Variants in RABGAP1L observed in about 807,000 individuals in gnomAD.
RABGAP1L encodes the protein rab GTPase-activating protein 1-like.
In RABGAP1L, 63 loss-of-function variants were observed where a neutral mutation model predicts 137.7. That is an observed-to-expected ratio of 0.46 (90% CI 0.37 to 0.56). The LOEUF (loss-of-function observed/expected upper bound fraction) is 0.56. RABGAP1L is among the 20% of genes least tolerant of loss of function. The pLI, the probability that RABGAP1L is intolerant of heterozygous loss-of-function variation, is 0.00. For missense variants in RABGAP1L, 1,095 were observed against 1,244.0 expected, an observed-to-expected ratio of 0.88 and a Z score of 1.80; for synonymous variants, 431 against 433.7, an observed-to-expected ratio of 0.99 and a Z score of 0.08.
chr1:174,871,494 A>C (rs1652187123), intron 19 of RABGAP1L, among the ~76,000 whole-genome samples: 1 of 152,192 alleles, frequency 6.6e-6, no homozygotes, highest in Non-Finnish European at 1.5e-5. Context: ...GTCAAGTTTT[A>C]ACTGCAGGTT....
At chr1:174,208,322 T>A (rs1163522575) in intron 1 of RABGAP1L, among the ~76,000 whole-genome samples, 1 of 152,126 alleles carries the variant, frequency 6.6e-6, no homozygotes, top group Non-Finnish European at 1.5e-5. Context: ...ATGTAATCTG[T>A]AAATAAAGAC....
chr1:174,428,464 C>A (rs1303361441), intron 13 of RABGAP1L, among the ~76,000 whole-genome samples: 2 of 152,174 alleles, frequency 1.3e-5, no homozygotes, highest in East Asian at 3.8e-4. Context: ...CCCTTTATCT[C>A]TTCATAATGA....
At chr1:174,767,619 G>A (rs1403478076) in intron 18 of RABGAP1L, among the ~76,000 whole-genome samples, 1 of 151,716 alleles carries the variant, frequency 6.6e-6, no homozygotes, top group Non-Finnish European at 1.5e-5. Flanking sequence ...CGCCTCCCAG[G>A]TTAAATAGAA....
chr1:174,779,603 A>T (rs1381140963), intron 18 of RABGAP1L, among the ~76,000 whole-genome samples: 1 of 152,148 alleles, frequency 6.6e-6, no homozygotes, highest in Non-Finnish European at 1.5e-5. Flanking sequence ...CACCCCATCT[A>T]AAACAAGGTT....
intron 13 of RABGAP1L, among the ~76,000 whole-genome samples, chr1:174,635,930 A>C (rs1673983714): frequency 6.6e-6 from 1 of 152,176 alleles, no homozygotes; most frequent in South Asian, 2.1e-4. Flanking sequence ...AACATATATT[A>C]AACTTTTTTT....
At chr1:174,227,733 T>C (rs1670302400) in intron 3 of RABGAP1L, among the ~76,000 whole-genome samples, 1 of 152,180 alleles carries the variant, frequency 6.6e-6, no homozygotes, top group Non-Finnish European at 1.5e-5. Context: ...ATTTACATTC[T>C]AATAATGTCA....
At chr1:174,905,151 A>G (rs1202484807) in intron 19 of RABGAP1L, among the ~76,000 whole-genome samples, 1 of 152,218 alleles carries the variant, frequency 6.6e-6, no homozygotes, top group Non-Finnish European at 1.5e-5. Context: ...ACTATATCTA[A>G]TAAAAAACAA....
chr1:174,613,743 G>A (rs1671501903), intron 13 of RABGAP1L, among the ~76,000 whole-genome samples: 1 of 152,184 alleles, frequency 6.6e-6, no homozygotes, highest in Non-Finnish European at 1.5e-5. Context: ...GGGTGCTCCT[G>A]TATTGGGTGC....
At chr1:174,600,970 A>T (rs1402030659) in intron 13 of RABGAP1L, among the ~76,000 whole-genome samples, 1 of 152,214 alleles carries the variant, frequency 6.6e-6, no homozygotes, top group Non-Finnish European at 1.5e-5. Flanking sequence ...ACCCTGAAGC[A>T]AACTTTTGTC....
Position 174,378,475 on chromosome 1 carries a change from A to G in RABGAP1L, c.1559+7403A>G, listed in dbSNP as rs1451437113. On this transcript the variant is annotated intron_variant, in intron 12 of 25. Coordinates refer to ENST00000681986, the MANE Select transcript of RABGAP1L (RefSeq NM_001366446.1). The stretch of plus-strand genomic sequence containing the variant: ...GTTTCCTGACTTTTTAATGATTGCC[A>G]TTCTGACTGGTGTGAGATGGTATCT... Among the ~76,000 whole-genome samples, 293 of 151,646 alleles carry G rather than the reference A, an allele frequency of 1.9e-3. 1 individual carries two copies. Among genetic ancestry groups the G allele is most frequent in the African/African-American group, 6.7e-3 (277 of 41,360 alleles).
chr1:174,686,194 C>T (rs1196673892), intron 15 of RABGAP1L, among the ~76,000 whole-genome samples: 7 of 152,142 alleles, frequency 4.6e-5, no homozygotes, highest in Non-Finnish European at 1.5e-5. Flanking sequence ...GTTTAGCATT[C>T]TGGAAGTGAA....
At chr1:174,361,394 T>C (rs1272087722) in intron 11 of RABGAP1L, among the ~76,000 whole-genome samples, 1 of 152,156 alleles carries the variant, frequency 6.6e-6, no homozygotes, top group Middle Eastern at 3.2e-3. Flanking sequence ...TTAAATGATA[T>C]TGATTCTTCC....
intron 19 of RABGAP1L, among the ~76,000 whole-genome samples, chr1:174,889,058 C>T (rs1655658278): frequency 6.6e-6 from 1 of 151,820 alleles, no homozygotes; most frequent in Non-Finnish European, 1.5e-5. Flanking sequence ...TAGAGTCTAG[C>T]TGAGTACTTA....
At chr1:174,920,273 C>T (rs539824240) in intron 19 of RABGAP1L, among the ~76,000 whole-genome samples, 4 of 152,306 alleles carry the variant, frequency 2.6e-5, no homozygotes, top group East Asian at 1.9e-4. Context: ...GCCTCACAAT[C>T]GTGGCAGAAG....
intron 7 of RABGAP1L, among the ~76,000 whole-genome samples, chr1:174,256,503 C>A (rs1673134930): frequency 6.6e-6 from 1 of 152,198 alleles, no homozygotes; most frequent in African/African-American, 2.4e-5. Flanking sequence ...TGAAAATATG[C>A]TGGGCGCGGT....
intron 1 of RABGAP1L, among the ~76,000 whole-genome samples, chr1:174,180,757 G>T (rs1422085787): frequency 6.6e-6 from 1 of 152,134 alleles, no homozygotes; most frequent in African/African-American, 2.4e-5. Flanking sequence ...ATGAGCCACC[G>T]CATCTGGCCA....
rs145337069 is a variant in RABGAP1L at position 174,686,611 on chromosome 1, G to A, written c.1899+3015G>A. On this transcript the variant is annotated intron_variant, in intron 15 of 25. Transcript: ENST00000681986. Reference sequence around the variant, plus strand: ...ACTTGGATGAGAAGCTGAAGTTCAAGACATGGGTGGTGAAGCTTTGGTTTG... The same window carrying A: ...ACTTGGATGAGAAGCTGAAGTTCAAAACATGGGTGGTGAAGCTTTGGTTTG... Among the ~76,000 whole-genome samples the A allele has an allele frequency of 1.5e-4, 22 of 147,398 alleles. No individual in the cohort carries two copies. In the East Asian group the frequency reaches 4.6e-3, roughly 31 times the overall value.
intron 12 of RABGAP1L, among the ~76,000 whole-genome samples, chr1:174,391,775 C>T (rs1687226343): frequency 6.6e-6 from 1 of 152,090 alleles, no homozygotes. Flanking sequence ...CTTTGGATTT[C>T]CCTTACATGA....
chr1:174,232,675 C>T (rs948178728), intron 4 of RABGAP1L, among the ~76,000 whole-genome samples: 1 of 149,182 alleles, frequency 6.7e-6, no homozygotes, highest in African/African-American at 2.5e-5. Context: ...CCCAGCTACT[C>T]GGGAGGTTGA....
Sources: allele counts gnomAD v4.1 joint callset (sites outside exome capture counted in the v4.1 genomes callset), GRCh38; gene constraint gnomAD v4.1.1; transcripts MANE v1.5; gene names NCBI Gene and HGNC (gene_info 2026-07-23, HGNC 2026-07-21).